The following FNDC3A variants were observed in gnomAD, a reference collection of about 807,000 sequenced individuals.
FNDC3A encodes fibronectin type-III domain-containing protein 3A.
A neutral mutation model predicts 148.9 loss-of-function variants in FNDC3A; 32 were observed. That is an observed-to-expected ratio of 0.21 (90% CI 0.16 to 0.29). The LOEUF is 0.29. FNDC3A is among the 10% of genes least tolerant of loss of function. The probability of loss-of-function intolerance (pLI) is 1.00; values close to 1 mark genes in which losing one functional copy is unlikely to be tolerated. For missense variants in FNDC3A, 1,191 were observed against 1,452.8 expected (o/e 0.82, Z 2.93); for synonymous variants, 472 against 473.6 (o/e 1.00, Z 0.04).
intron 20 of FNDC3A, 54 bp downstream of exon 20, chr13:49,197,044 T>C: frequency 1.9e-6 from 2 of 1,044,098 alleles, no homozygotes; most frequent in South Asian, 2.8e-5. Context: ...TAGAATAGTT[T>C]ATATAAAAGA....
intron 8 of FNDC3A, among the ~76,000 whole-genome samples, chr13:49,159,315 C>T (rs1236701253): frequency 2.6e-5 from 4 of 152,130 alleles, no homozygotes; most frequent in Admixed American, 1.3e-4. Context: ...GTTTGTAGTT[C>T]TCCTTGAAGA....
chr13:48,981,437 A>G (rs1171006229), intron 1 of FNDC3A, among the ~76,000 whole-genome samples: 2 of 152,064 alleles, frequency 1.3e-5, no homozygotes, highest in African/African-American at 4.8e-5. Flanking sequence ...TACATACCAT[A>G]AAAGTGCTTA....
At chr13:49,160,926 G>A (rs867324402) in intron 8 of FNDC3A, among the ~76,000 whole-genome samples, 2 of 152,204 alleles carry the variant, frequency 1.3e-5, no homozygotes, top group South Asian at 2.1e-4. Context: ...GTAGTTATGC[G>A]GTTTTGAGTG....
chr13:49,026,832 A>G (rs1192909747), intron 2 of FNDC3A, among the ~76,000 whole-genome samples: 1 of 152,206 alleles, frequency 6.6e-6, no homozygotes, highest in South Asian at 2.1e-4. Flanking sequence ...TAAAGTTTCT[A>G]AAGTAGATCA....
rs145046142 is a variant in FNDC3A, at chr13:48,991,171, T to G, written c.-39-14981T>G. On this transcript the variant is annotated intron_variant, in intron 1 of 25. Transcript: ENST00000492622. ...ATTGTTGGATACAATTTTTTAAAATTAAGACCCAAATATTTCACATCTACA... is the reference window on the plus strand; with the variant it reads ...ATTGTTGGATACAATTTTTTAAAATGAAGACCCAAATATTTCACATCTACA... Among the ~76,000 whole-genome samples, 13 of 152,318 alleles carry G rather than the reference T, an allele frequency of 8.5e-5. No homozygotes were observed. The South Asian group carries it at 1.7e-3, about 19-fold the overall frequency.
At chr13:49,109,196 G>C (rs1880390469) in intron 3 of FNDC3A, among the ~76,000 whole-genome samples, 1 of 152,098 alleles carries the variant, frequency 6.6e-6, no homozygotes, top group Non-Finnish European at 1.5e-5. Context: ...GCACTATGTG[G>C]TTATTTTTGA....
At chr13:49,141,517 GC>G (rs1427022016) in intron 7 of FNDC3A, among the ~76,000 whole-genome samples, 1 of 151,946 alleles carries the variant, frequency 6.6e-6, no homozygotes, top group Non-Finnish European at 1.5e-5. Context: ...ACCTCCTGAT[GC>G]CCTTATCTAG....
chr13:49,145,903 T>C lies in FNDC3A; in HGVS notation c.945T>C (p.Thr315=). The change falls in exon 8 of 26, where the codon ACT becomes ACC. Residue 315 remains threonine (T), a synonymous_variant. Transcript: ENST00000492622. ...GTTATGAAGTTCTGATCTCAAGTAC[T>C]GGAAAAGATGGGAAATACAAAAGTG... ...LYGYEVLISS[T]GKDGKYKSVY... The C allele has an allele frequency of 1.5e-5, 24 of 1,612,872 alleles. No individual in the cohort carries two copies. Among genetic ancestry groups the C allele is most frequent in the Non-Finnish European group, 2.0e-5 (23 of 1,179,338 alleles).
intron 12 of FNDC3A, among the ~76,000 whole-genome samples, chr13:49,174,954 A>G (rs879646610): frequency 1.3e-5 from 2 of 152,210 alleles, no homozygotes; most frequent in Non-Finnish European, 2.9e-5. Context: ...TGTTCTAGAG[A>G]TAGCTCTGCT....
chr13:49,011,208 C>G (rs1476174000), intron 2 of FNDC3A, among the ~76,000 whole-genome samples: 2 of 151,266 alleles, frequency 1.3e-5, no homozygotes, highest in Non-Finnish European at 2.9e-5. Flanking sequence ...TTCCCCTGTT[C>G]TGGTTGTCTT....
At position 49,196,950 on chromosome 13, in the gene FNDC3A, T is replaced by C. The variant is rs1196543939; in HGVS notation, c.2300T>C (p.Val767Ala). The C allele has an allele frequency of 6.2e-7, 1 of 1,612,430 alleles. No individual in the cohort carries two copies. Among genetic ancestry groups the C allele is most frequent in the Middle Eastern group, 1.7e-4 (1 of 6,058 alleles). Residue 767 changes from valine to alanine, a missense_variant, in exon 20 of 26, where the codon GTG (valine) becomes GCG (alanine). Physicochemically the swap from Val to Ala is moderately conservative, Grantham distance 64. Coordinates refer to ENST00000492622, the MANE Select transcript of FNDC3A (RefSeq NM_001079673.2). ...CCAGATCAGTGCAAGCCCCCTCAAG[T>C]GACATGTAGATCTGCAACTTGTGCA... ...GPPDQCKPPQ[V>A]TCRSATCAQV...
intron 7 of FNDC3A, among the ~76,000 whole-genome samples, chr13:49,145,210 C>G (rs1452138273): frequency 6.6e-6 from 1 of 152,174 alleles, no homozygotes. Context: ...ATTGAACTTA[C>G]ATATACTGTT....
At chr13:49,001,111 G>C (rs529761406) in intron 1 of FNDC3A, among the ~76,000 whole-genome samples, 16 of 152,264 alleles carry the variant, frequency 1.1e-4, no homozygotes, top group African/African-American at 3.9e-4. Flanking sequence ...GGGATCAGCT[G>C]AAGCCATGGC....
intron 3 of FNDC3A, among the ~76,000 whole-genome samples, chr13:49,112,004 AC>A (rs1373624909): frequency 6.6e-6 from 1 of 152,222 alleles, no homozygotes; most frequent in Non-Finnish European, 1.5e-5. Flanking sequence ...TTGAATTGTA[AC>A]TACATATATA....
chr13:49,024,590 A>G (rs1241360330), intron 2 of FNDC3A, among the ~76,000 whole-genome samples: 1 of 152,022 alleles, frequency 6.6e-6, no homozygotes, highest in Non-Finnish European at 1.5e-5. Flanking sequence ...TAAATCAGTA[A>G]GTGTGATACA....
chr13:49,043,769 T>G (rs2137692577), intron 2 of FNDC3A, among the ~76,000 whole-genome samples: 1 of 152,300 alleles, frequency 6.6e-6, no homozygotes, highest in South Asian at 2.1e-4. Context: ...GTATTCTGGA[T>G]TATTCCTTCA....
At chr13:49,199,225 C>T (rs576542845) in intron 23 of FNDC3A, among the ~76,000 whole-genome samples, 24 of 151,864 alleles carry the variant, frequency 1.6e-4, no homozygotes, top group African/African-American at 5.6e-4. Context: ...TTCACCATGT[C>T]GCTCACACTG....
intron 8 of FNDC3A, among the ~76,000 whole-genome samples, chr13:49,159,326 G>C (rs544710913): frequency 2.6e-5 from 4 of 152,218 alleles, no homozygotes; most frequent in Non-Finnish European, 2.9e-5. Flanking sequence ...TCCTTGAAGA[G>C]GTCCTTCACA....
chr13:49,090,939 AG>A (rs1879153497), intron 3 of FNDC3A, among the ~76,000 whole-genome samples: 3 of 152,298 alleles, frequency 2.0e-5, no homozygotes, highest in Non-Finnish European at 4.4e-5. Context: ...GGTTGCAGTG[AG>A]CTATGCTTGT....
Sources: gnomAD v4.1 joint callset for allele counts (sites outside exome capture counted in the v4.1 genomes callset) on GRCh38, gnomAD v4.1.1 for gene constraint, MANE v1.5 for transcripts, NCBI Gene and HGNC (gene_info 2026-07-23, HGNC 2026-07-21) for gene names.